CCDC50: variants seen among roughly 807,000 people sequenced by gnomAD.
The protein encoded by CCDC50 is coiled-coil domain containing 50.
In CCDC50, 54 loss-of-function variants were observed where a neutral mutation model predicts 70.2. The ratio of observed to expected loss-of-function variants is 0.77; its 90% CI spans 0.62 to 0.96. CCDC50 has a LOEUF of 0.96. CCDC50 is among the 50% of genes least tolerant of loss of function. CCDC50 has a pLI of 0.00. For synonymous variants in CCDC50, 216 were observed against 198.8 expected (o/e 1.09, Z -0.73); for missense variants, 558 against 578.7 (o/e 0.96, Z 0.37).
chr3:191,357,047 C>G (rs751715526), intron 1 of CCDC50, 41 bp from the exon 2 acceptor site: 13 of 1,274,288 alleles, frequency 1.0e-5, no homozygotes, highest in Non-Finnish European at 1.4e-5. Flanking sequence ...TAAAGTATTA[C>G]TAATGAGCCT....
intron 1 of CCDC50, among the ~76,000 whole-genome samples, chr3:191,356,499 T>A (rs1712286578): frequency 6.6e-6 from 1 of 152,222 alleles, no homozygotes; most frequent in Non-Finnish European, 1.5e-5. Context: ...TTCTAACTCA[T>A]GTCCCTGGGG....
intron 3 of CCDC50, among the ~76,000 whole-genome samples, chr3:191,358,685 G>T (rs1441166307): frequency 2.0e-5 from 3 of 152,130 alleles, no homozygotes; most frequent in Non-Finnish European, 4.4e-5. Flanking sequence ...AAACGGAAAT[G>T]ATTATTTCTC....
At position 191,391,756 on chromosome 3, in the gene CCDC50, A is replaced by AT. The variant is rs1254398281; in HGVS notation, c.1447dup (p.Ter483LeufsTer4). The stretch of plus-strand genomic sequence containing the variant: ...CCCTCCCCAGGTTTTCATTACAAAC[A>AT]TTAAAAACCTAGGAATCTGCCTTGA... On this transcript the variant is annotated frameshift_variant, in exon 12 of 12. Coordinates refer to ENST00000392455, the MANE Select transcript of CCDC50 (RefSeq NM_178335.3). LOFTEE classifies it high-confidence loss of function. 4.3e-6 allele frequency: 7 copies of AT among 1,612,990 alleles called. No individual in the cohort carries two copies. The highest frequency in any genetic ancestry group is 5.9e-6 in the Non-Finnish European group (7 of 1,179,224).
At chr3:191,332,396 T>G (rs73201627) in intron 1 of CCDC50, among the ~76,000 whole-genome samples, 14,322 of 152,208 alleles carry the variant, frequency 0.094, 724 homozygotes, top group East Asian at 0.25. Context: ...GTGAAAAGAA[T>G]CAAGTCAACT....
rs1713809935 is a variant in CCDC50 at position 191,394,790 on chromosome 3, T to A, written c.*3030T>A. The A allele has an allele frequency of 2.6e-5, 4 of 152,318 alleles. No homozygotes were observed. The South Asian group carries it at 8.3e-4, about 32-fold the overall frequency. The allele number at this position is 152,318 out of a possible 1,614,324, so 9.4% of individuals were successfully genotyped here. Reference sequence around the variant, plus strand: ...TGTTTTGACTTGAAAAATATTTGACTTTTGCGTTCAAACCACTGTTAGACG... The same window carrying A: ...TGTTTTGACTTGAAAAATATTTGACATTTGCGTTCAAACCACTGTTAGACG... On this transcript the variant is annotated 3_prime_UTR_variant, in exon 12 of 12. Coordinates refer to ENST00000392455, the MANE Select transcript of CCDC50 (RefSeq NM_178335.3).
intron 10 of CCDC50, among the ~76,000 whole-genome samples, chr3:191,387,184 CTG>C (rs796219072): frequency 2.7e-4 from 41 of 152,220 alleles, no homozygotes; most frequent in African/African-American, 9.4e-4. Context: ...ATCCAAATAA[CTG>C]TTATGATTGT....
At position 191,349,966 on chromosome 3, in the gene CCDC50, A is replaced by ACCCC. The variant is rs11454979; in HGVS notation, c.50-7116_50-7113dup. 1.9e-3 allele frequency among the ~76,000 whole-genome samples: 197 copies of ACCCC among 105,558 alleles called. 5 individuals carry two copies. Among genetic ancestry groups the ACCCC allele is most frequent in the East Asian group, 2.5e-3 (11 of 4,338 alleles). The allele number at this position is 105,558 out of a possible 152,430, so 69.3% of individuals were successfully genotyped here. A position where few individuals can be genotyped will look rare whatever the true frequency, so the allele number is the denominator to read the frequency against. On this transcript the variant is annotated intron_variant, in intron 1 of 11. Transcript: ENST00000392455. Reference sequence around the variant, plus strand: ...CTTATTTTAACTAGTATTTAATAATACCCCCCCCCTCCCTTTTTTTTTCCT... The same window carrying ACCCC: ...CTTATTTTAACTAGTATTTAATAATACCCCCCCCCCCCCTCCCTTTTTTTTTCCT...
chr3:191,384,761 A>G (rs1713433697), intron 10 of CCDC50, among the ~76,000 whole-genome samples: 1 of 151,920 alleles, frequency 6.6e-6, no homozygotes, highest in Non-Finnish European at 1.5e-5. Context: ...ACTTTTATTG[A>G]TCTTGTCACC....
In CCDC50 at chr3:191,348,499, G is replaced by A. The variant is rs538799898; in HGVS notation, c.50-8589G>A. On this transcript the variant is annotated intron_variant, in intron 1 of 11. Transcript: ENST00000392455. Reference sequence around the variant, plus strand: ...ATTGCAAAAATTCTGTGTCGACTTTGTGGACAGTCTAGTAGTGGGATTATT... The same window carrying A: ...ATTGCAAAAATTCTGTGTCGACTTTATGGACAGTCTAGTAGTGGGATTATT... 5.6e-4 allele frequency among the ~76,000 whole-genome samples: 80 copies of A among 142,404 alleles called. 5 individuals carry two copies. The highest frequency in any genetic ancestry group is 2.0e-3 in the African/African-American group (79 of 40,002). 93.4% of individuals were successfully genotyped at this position (142,404 alleles called of 152,430 possible). A position where few individuals can be genotyped will look rare whatever the true frequency, so the allele number is the denominator to read the frequency against.
intron 10 of CCDC50, among the ~76,000 whole-genome samples, chr3:191,386,531 G>A (rs1185991147): frequency 6.6e-6 from 1 of 152,218 alleles, no homozygotes; most frequent in East Asian, 1.9e-4. Context: ...GACCTGGACA[G>A]TTTAATAATA....
intron 1 of CCDC50, among the ~76,000 whole-genome samples, chr3:191,333,155 C>A (rs1718044696): frequency 6.6e-6 from 1 of 152,050 alleles, no homozygotes; most frequent in South Asian, 2.1e-4. Flanking sequence ...AATCAGTTTA[C>A]CTAGGAGTGA....
At chr3:191,341,664 A>G (rs1262664718) in intron 1 of CCDC50, among the ~76,000 whole-genome samples, 5 of 152,216 alleles carry the variant, frequency 3.3e-5, no homozygotes, top group Non-Finnish European at 7.3e-5. Flanking sequence ...GGAATAGAGA[A>G]CTATCAAGAG....
intron 10 of CCDC50, among the ~76,000 whole-genome samples, chr3:191,387,248 C>A (rs491252): frequency 0.42 from 64,152 of 151,856 alleles, 15,227 homozygotes; most frequent in Non-Finnish European, 0.53. Context: ...AGGGAGACAT[C>A]CTGGTTTAAG....
At chr3:191,373,486 G>A (rs1219014475) in intron 5 of CCDC50, among the ~76,000 whole-genome samples, 1 of 152,054 alleles carries the variant, frequency 6.6e-6, no homozygotes, top group Non-Finnish European at 1.5e-5. Context: ...GCTGGAAGGT[G>A]GACTTCACTT....
intron 4 of CCDC50, among the ~76,000 whole-genome samples, chr3:191,369,471 G>A (rs563758083): frequency 1.1e-4 from 16 of 152,044 alleles, no homozygotes; most frequent in Admixed American, 9.2e-4. Context: ...TCTCTTTTTT[G>A]GTTAAGACAG....
chr3:191,329,765 C>T (rs1717886275), intron 1 of CCDC50, 42 bp downstream of exon 1: 2 of 1,589,352 alleles, frequency 1.3e-6, no homozygotes, highest in Non-Finnish European at 8.6e-7. Flanking sequence ...CCTCCCCTCT[C>T]CCAGCCCGAG....
At chr3:191,362,228 TCCTCTCTG>T (rs769186944) in intron 4 of CCDC50, among the ~76,000 whole-genome samples, 4 of 152,088 alleles carry the variant, frequency 2.6e-5, no homozygotes, top group African/African-American at 4.8e-5. Flanking sequence ...GCTTAAGTGA[TCCTCTCTG>T]CCTCTTGAGT....
intron 1 of CCDC50, among the ~76,000 whole-genome samples, chr3:191,340,310 AT>A (rs1711678676): frequency 1.3e-5 from 2 of 152,356 alleles, no homozygotes; most frequent in Non-Finnish European, 2.9e-5. Context: ...CTTATATACT[AT>A]CATAAAGTCC....
chr3:191,380,677 G>A lies in CCDC50; in HGVS notation c.1093-10G>A, dbSNP rs1039666866. ...TTAAATTCTTTGTTTTTGTATTTTC[G>A]ATATCATAGGCTACCCAGGTGGACA... On this transcript the variant is annotated splice_polypyrimidine_tract_variant and intron_variant, in intron 7 of 11. Coordinates refer to ENST00000392455, the MANE Select transcript of CCDC50 (RefSeq NM_178335.3). 10 of 1,610,994 alleles carry A rather than the reference G, an allele frequency of 6.2e-6. No individual in the cohort carries two copies. Among genetic ancestry groups the A allele is most frequent in the South Asian group, 1.1e-5 (1 of 90,808 alleles).
Sources: allele counts gnomAD v4.1 joint callset (sites outside exome capture counted in the v4.1 genomes callset), GRCh38; gene constraint gnomAD v4.1.1; transcripts MANE v1.5; gene names NCBI Gene and HGNC (gene_info 2026-07-23, HGNC 2026-07-21).